Variants in C7orf57 observed in about 807,000 individuals in gnomAD.
C7orf57 encodes the protein uncharacterized protein C7orf57.
C7orf57 carries 33 observed loss-of-function variants against 39.0 expected under a neutral mutation model. That is an observed-to-expected ratio of 0.85 (90% CI 0.64 to 1.13). The LOEUF (loss-of-function observed/expected upper bound fraction) is 1.13. C7orf57 is among the 50% of genes most tolerant of loss of function. The pLI is 0.00. For missense variants in C7orf57, 346 were observed against 362.3 expected, an observed-to-expected ratio of 0.95 and a Z score of 0.37; for synonymous variants, 124 against 137.1, an observed-to-expected ratio of 0.90 and a Z score of 0.67.
chr7:48,052,568 GAC>G (rs1274527460), intron 6 of C7orf57, 130 bp from the exon 7 acceptor site: 5 of 704,176 alleles, frequency 7.1e-6, no homozygotes, highest in Non-Finnish European at 1.2e-5. Context: ...GAGAGGGAAA[GAC>G]AGAGAGAGAG....
chr7:48,050,823 C>T (rs1790852882), intron 6 of C7orf57, among the ~76,000 whole-genome samples: 1 of 152,140 alleles, frequency 6.6e-6, no homozygotes, highest in African/African-American at 2.4e-5. Context: ...GCATGCACCA[C>T]CACACCCAGC....
chr7:48,059,938 C>T (rs983325), intron 8 of C7orf57, among the ~76,000 whole-genome samples: 46,501 of 151,976 alleles, frequency 0.31, 7,727 homozygotes, highest in Middle Eastern at 0.53. Context: ...TAATTCTTAT[C>T]GGTGTGCTTA....
At chr7:48,053,162 T>C (rs1427387268) in intron 7 of C7orf57, 7 of 621,068 alleles carry the variant, frequency 1.1e-5, no homozygotes, top group Non-Finnish European at 2.1e-5. Flanking sequence ...ACATTTTCTT[T>C]TATTTGTCAA....
intron 8 of C7orf57, among the ~76,000 whole-genome samples, chr7:48,055,316 TTTTTA>T (rs10599175): frequency 0.31 from 46,373 of 151,916 alleles, 7,671 homozygotes; most frequent in Middle Eastern, 0.54. Flanking sequence ...TTTAGTTTAC[TTTTTA>T]TTTTATTTTA....
intron 3 of C7orf57, among the ~76,000 whole-genome samples, chr7:48,042,145 C>A (rs1790568549): frequency 6.6e-6 from 1 of 152,186 alleles, no homozygotes; most frequent in South Asian, 2.1e-4. Context: ...CTTTTTTCCC[C>A]TTTAGCTGCC....
rs564896401 is a variant in C7orf57, at chr7:48,041,466, T to C, written c.188T>C (p.Ile63Thr). ...ENLPGTRRYW[I>T]KETDSEYVKL... ...CTGCCTGGGACTCGGAGATACTGGA[T>C]AAAAGAAACAGATTCGGAATATGTG... Residue 63 changes from isoleucine (I) to threonine (T), a missense_variant, in exon 3 of 9, where the codon ATA becomes ACA. Coordinates refer to ENST00000348904, the MANE Select transcript of C7orf57 (RefSeq NM_001100159.3). 51 of 1,613,534 alleles carry C rather than the reference T, an allele frequency of 3.2e-5. 2 individuals are homozygous for C. The South Asian group carries it at 5.5e-4, about 17-fold the overall frequency.
intron 6 of C7orf57, among the ~76,000 whole-genome samples, chr7:48,051,874 T>TTCC: frequency 1.2e-5 from 1 of 86,534 alleles, no homozygotes; most frequent in South Asian, 4.3e-4. Context: ...TTTCTTTCTC[T>TTCC]TTCTCTTTCT....
intron 5 of C7orf57, among the ~76,000 whole-genome samples, chr7:48,048,613 G>A (rs893573083): frequency 3.6e-4 from 54 of 152,042 alleles, no homozygotes; most frequent in Admixed American, 2.3e-3. Context: ...TAGGTAGAGC[G>A]AAACCCACCT....
Position 48,055,374 on chromosome 7 carries a change from G to A in C7orf57, c.841+768G>A, listed in dbSNP as rs187849227. 4.9e-4 allele frequency among the ~76,000 whole-genome samples: 75 copies of A among 152,164 alleles called. 1 individual carries two copies. The highest frequency in any genetic ancestry group is 1.6e-3 in the African/African-American group (68 of 41,488). On this transcript the variant is annotated intron_variant, in intron 8 of 8. Transcript: ENST00000348904. The stretch of plus-strand genomic sequence containing the variant: ...TGTATACAACTATGGGGTGCAATGC[G>A]ATGTTTTGATATATGTATACATTGT...
Position 48,036,226 on chromosome 7 carries a change from G to A in C7orf57, c.-83G>A, listed in dbSNP as rs1271202873. On this transcript the variant is annotated 5_prime_UTR_variant, in exon 2 of 9. Coordinates refer to ENST00000348904, the MANE Select transcript of C7orf57 (RefSeq NM_001100159.3). ...TTTGCAGCTGCAGCTCCTGGCAACT[G>A]GTCAAGCAGGCAGCGTCCAGCGCAC... The A allele has an allele frequency of 2.1e-6, 3 of 1,456,120 alleles. No homozygotes were observed. Among genetic ancestry groups the A allele is most frequent in the Non-Finnish European group, 2.8e-6 (3 of 1,060,420 alleles). 90.2% of individuals were successfully genotyped at this position (1,456,120 alleles called of 1,614,324 possible).
chr7:48,039,631 C>G (rs1383146416), intron 2 of C7orf57, among the ~76,000 whole-genome samples: 1 of 152,164 alleles, frequency 6.6e-6, no homozygotes, highest in Non-Finnish European at 1.5e-5. Context: ...TAAAAAACTT[C>G]ATAGACACAG....
Position 48,043,605 on chromosome 7 carries a change from C to T in C7orf57, c.350+16C>T. The T allele has an allele frequency of 6.3e-7, 1 of 1,594,562 alleles. No individual in the cohort carries two copies. The highest frequency in any genetic ancestry group is 1.1e-5 in the South Asian group (1 of 90,282). On this transcript the variant is annotated intron_variant, in intron 4 of 8. Transcript: ENST00000348904. ...GCCAGCAAGAGTAAGTACCTTAAAGCACTCACATTTTTGTTTATCTTTACA... is the reference window on the plus strand; with the variant it reads ...GCCAGCAAGAGTAAGTACCTTAAAGTACTCACATTTTTGTTTATCTTTACA...
At chr7:48,050,913 C>T (rs1004529197) in intron 6 of C7orf57, among the ~76,000 whole-genome samples, 1 of 152,228 alleles carries the variant, frequency 6.6e-6, no homozygotes, top group South Asian at 2.1e-4. Flanking sequence ...AAAAAATCCT[C>T]CTGCCTCTGT....
intron 2 of C7orf57, among the ~76,000 whole-genome samples, chr7:48,037,333 CACT>C (rs1440596543): frequency 6.6e-6 from 1 of 152,186 alleles, no homozygotes; most frequent in Non-Finnish European, 1.5e-5. Flanking sequence ...TATTAATATA[CACT>C]AACTCATTTA....
intron 2 of C7orf57, among the ~76,000 whole-genome samples, chr7:48,038,686 C>A (rs1233053565): frequency 6.6e-6 from 1 of 152,162 alleles, no homozygotes; most frequent in East Asian, 1.9e-4. Context: ...ATATGAGTGA[C>A]CAAGGCCTGT....
intron 7 of C7orf57, 117 bp from the exon 8 acceptor site, chr7:48,054,478 G>T: frequency 6.5e-4 from 335 of 513,994 alleles, no homozygotes; most frequent in East Asian, 1.3e-3. Context: ...AGTGTTTTAT[G>T]ACTTATTGTT....
At chr7:48,051,278 T>C (rs533103998) in intron 6 of C7orf57, among the ~76,000 whole-genome samples, 17 of 150,774 alleles carry the variant, frequency 1.1e-4, no homozygotes, top group African/African-American at 3.9e-4. Context: ...ACCTCTCAGG[T>C]TCAAGTGATT....
intron 6 of C7orf57, among the ~76,000 whole-genome samples, chr7:48,051,772 T>TTTC (rs1288546981): frequency 1.9e-5 from 2 of 102,658 alleles, no homozygotes; most frequent in African/African-American, 6.8e-5. Flanking sequence ...CTTTCTTTCT[T>TTTC]TCTTTCTTTC....
chr7:48,051,289 C>G (rs1668012868), intron 6 of C7orf57, among the ~76,000 whole-genome samples: 1 of 151,264 alleles, frequency 6.6e-6, no homozygotes, highest in Non-Finnish European at 1.5e-5. Flanking sequence ...TCAAGTGATT[C>G]TCCTGCCTCA....
Sources: gnomAD v4.1 joint callset for allele counts (sites outside exome capture counted in the v4.1 genomes callset) on GRCh38, gnomAD v4.1.1 for gene constraint, MANE v1.5 for transcripts, NCBI Gene and HGNC (gene_info 2026-07-23, HGNC 2026-07-21) for gene names.